Variants in PRKG1 observed in about 807,000 individuals in gnomAD.
The protein encoded by PRKG1 is protein kinase cGMP-dependent 1, also known as cGMP-dependent protein kinase 1.
Under a neutral mutation model 88.1 loss-of-function variants are expected in PRKG1, and 35 were observed. The ratio of observed to expected loss-of-function variants is 0.40; its 90% CI spans 0.30 to 0.53. The LOEUF (loss-of-function observed/expected upper bound fraction) is 0.53. PRKG1 is among the 20% of genes least tolerant of loss of function. The pLI, the probability that PRKG1 is intolerant of heterozygous loss-of-function variation, is 0.59. For synonymous variants in PRKG1, 303 were observed against 292.5 expected (o/e 1.04, Z -0.37); for missense variants, 540 against 839.8 (o/e 0.64, Z 4.41).
intron 1 of PRKG1, among the ~76,000 whole-genome samples, chr10:51,019,724 A>C (rs531165223): frequency 1.3e-5 from 2 of 152,206 alleles, no homozygotes; most frequent in East Asian, 3.9e-4. Flanking sequence ...AATGGGAGAA[A>C]ATATTTGCAA....
intron 1 of PRKG1, among the ~76,000 whole-genome samples, chr10:51,141,340 G>A (rs1409548456): frequency 2.6e-5 from 4 of 152,026 alleles, no homozygotes. Flanking sequence ...GTTTCTTTTT[G>A]TCCTCCTGTC....
At chr10:52,293,725 C>G in intron 17 of PRKG1, 77 bp from the exon 18 acceptor site, 1 of 1,161,538 alleles carries the variant, frequency 8.6e-7, no homozygotes, top group Admixed American at 1.8e-5. Flanking sequence ...GGAATAAATA[C>G]AGAATGCACT....
At chr10:51,661,457 A>G (rs1047393507) in intron 3 of PRKG1, among the ~76,000 whole-genome samples, 28 of 152,320 alleles carry the variant, frequency 1.8e-4, no homozygotes, top group African/African-American at 6.7e-4. Context: ...ACATTTATGC[A>G]GCCAAAAGAC....
chr10:51,115,459 T>G (rs1845098356), intron 1 of PRKG1, among the ~76,000 whole-genome samples: 1 of 137,824 alleles, frequency 7.3e-6, no homozygotes, highest in Non-Finnish European at 1.6e-5. Context: ...GATGAGATTG[T>G]TCTTTTCAGC....
At chr10:51,134,503 G>C (rs1845643367) in intron 1 of PRKG1, among the ~76,000 whole-genome samples, 1 of 152,050 alleles carries the variant, frequency 6.6e-6, no homozygotes, top group African/African-American at 2.4e-5. Context: ...GCTTCAAAAG[G>C]ATTCCAAGTA....
intron 2 of PRKG1, among the ~76,000 whole-genome samples, chr10:51,166,986 A>T (rs1846561501): frequency 6.6e-6 from 1 of 152,180 alleles, no homozygotes; most frequent in African/African-American, 2.4e-5. Context: ...TAGTTCTTAC[A>T]TTCAAGAAAC....
chr10:51,362,292 T>C (rs1301704173), intron 2 of PRKG1, among the ~76,000 whole-genome samples: 2 of 151,832 alleles, frequency 1.3e-5, no homozygotes, highest in Admixed American at 6.6e-5. Context: ...CATGGAGCCA[T>C]ATAAAAATAT....
intron 2 of PRKG1, among the ~76,000 whole-genome samples, chr10:51,246,464 T>TA (rs1554851134): frequency 6.6e-6 from 1 of 151,986 alleles, no homozygotes; most frequent in Non-Finnish European, 1.5e-5. Context: ...TTTTTTCACA[T>TA]ATTGTCTGTG....
intron 3 of PRKG1, among the ~76,000 whole-genome samples, chr10:51,730,639 A>C (rs1842249353): frequency 2.6e-5 from 4 of 152,222 alleles, no homozygotes. Flanking sequence ...GCAATCTATC[A>C]AATACACACA....
chr10:52,218,193 A>G (rs1225008120), intron 9 of PRKG1, among the ~76,000 whole-genome samples: 1 of 150,718 alleles, frequency 6.6e-6, no homozygotes, highest in East Asian at 1.9e-4. Context: ...CCTGGGTGAC[A>G]AAGCGAGACT....
chr10:51,574,058 C>T (rs950354214), intron 3 of PRKG1, among the ~76,000 whole-genome samples: 34 of 152,028 alleles, frequency 2.2e-4, no homozygotes, highest in African/African-American at 2.6e-4. Context: ...ACTTTACTGT[C>T]GATCAGTTCT....
At chr10:51,177,908 C>G (rs1357869286) in intron 2 of PRKG1, among the ~76,000 whole-genome samples, 1 of 151,616 alleles carries the variant, frequency 6.6e-6, no homozygotes, top group Non-Finnish European at 1.5e-5. Flanking sequence ...TATACTATAA[C>G]CATAGTGCCC....
At chr10:51,972,262 G>A (rs1457856804) in intron 5 of PRKG1, among the ~76,000 whole-genome samples, 1 of 152,010 alleles carries the variant, frequency 6.6e-6, no homozygotes, top group African/African-American at 2.4e-5. Context: ...TTATATTTGG[G>A]ATCAGATAGT....
intron 5 of PRKG1, among the ~76,000 whole-genome samples, chr10:51,939,943 T>G (rs1157318845): frequency 1.3e-5 from 2 of 151,982 alleles, no homozygotes; most frequent in Non-Finnish European, 2.9e-5. Context: ...GTTGAATTCC[T>G]AGAAAATTTA....
chr10:51,080,386 CAGATGATGTTTCTATTGT>C (rs1844076303), intron 1 of PRKG1, among the ~76,000 whole-genome samples: 1 of 152,156 alleles, frequency 6.6e-6, no homozygotes, highest in East Asian at 1.9e-4. Flanking sequence ...TAGAAGAACA[CAGATGATGTTTCTATTGT>C]TGCTGTTTGC....
chr10:52,082,206 C>G (rs372024278), intron 7 of PRKG1, among the ~76,000 whole-genome samples: 1 of 152,094 alleles, frequency 6.6e-6, no homozygotes, highest in African/African-American at 2.4e-5. Context: ...AGGGTAACCA[C>G]CCCCATGATT....
chr10:51,096,091 T>A (rs544179167), intron 1 of PRKG1, among the ~76,000 whole-genome samples: 1 of 152,168 alleles, frequency 6.6e-6, no homozygotes, highest in Admixed American at 6.6e-5. Context: ...GCAATTCTTT[T>A]TATTTAATAA....
intron 2 of PRKG1, among the ~76,000 whole-genome samples, chr10:51,325,291 C>T (rs1416771010): frequency 1.3e-5 from 2 of 152,134 alleles, no homozygotes; most frequent in Admixed American, 6.5e-5. Context: ...GACAGAGTCT[C>T]GCTCTGTCAC....
intron 5 of PRKG1, among the ~76,000 whole-genome samples, chr10:52,002,831 A>G (rs962567099): frequency 2.6e-5 from 4 of 152,184 alleles, no homozygotes; most frequent in African/African-American, 9.7e-5. Flanking sequence ...CTTGACATAT[A>G]TGGTTACAGT....
Sources: gnomAD v4.1 joint callset for allele counts (sites outside exome capture counted in the v4.1 genomes callset) on GRCh38, gnomAD v4.1.1 for gene constraint, MANE v1.5 for transcripts, NCBI Gene and HGNC (gene_info 2026-07-23, HGNC 2026-07-21) for gene names.